Variants in NFX1 observed in about 807,000 individuals in gnomAD.
The protein encoded by NFX1 is nuclear transcription factor, X-box binding 1.
NFX1 carries 69 observed loss-of-function variants against 137.2 expected under a neutral mutation model. The observed-to-expected ratio is 0.50, with a 90% CI of 0.41 to 0.61. NFX1 has a LOEUF of 0.61. Ranked by LOEUF, NFX1 falls within the 20% of genes least tolerant of loss-of-function variation. The pLI is 0.00. For synonymous variants in NFX1, 495 were observed against 474.1 expected, an observed-to-expected ratio of 1.04 and a Z score of -0.57; for missense variants, 1,167 against 1,391.0, an observed-to-expected ratio of 0.84 and a Z score of 2.56.
At chr9:33,332,706 A>G (rs1564127124) in intron 11 of NFX1, 1 of 481,930 alleles carries the variant, frequency 2.1e-6, no homozygotes, top group Non-Finnish European at 3.8e-6. Context: ...AAGTGCACTC[A>G]TGTCTACAGC....
At chr9:33,319,454 A>G (rs1046010583) in intron 9 of NFX1, among the ~76,000 whole-genome samples, 1 of 152,226 alleles carries the variant, frequency 6.6e-6, no homozygotes, top group Admixed American at 6.5e-5. Flanking sequence ...TCCAGGGTTC[A>G]GCAAGTGTTG....
chr9:33,354,473 C>A (rs1325433779), intron 18 of NFX1, among the ~76,000 whole-genome samples: 1 of 152,152 alleles, frequency 6.6e-6, no homozygotes, highest in Non-Finnish European at 1.5e-5. Flanking sequence ...AGAGAGGTGG[C>A]CATCTCTGGA....
chr9:33,348,502 A>C (rs1823517134), intron 15 of NFX1: 1 of 99,496 alleles, frequency 1.0e-5, no homozygotes. Context: ...AAATAAGAAA[A>C]AAGAAAAAAA....
chr9:33,352,811 TG>T (rs1250113287), intron 17 of NFX1, 92 bp downstream of exon 17: 14 of 972,414 alleles, frequency 1.4e-5, no homozygotes. Context: ...AGTGAAGCAG[TG>T]GGAGTGGAGA....
Position 33,295,025 on chromosome 9 carries a change from G to T in NFX1, c.631G>T (p.Val211Leu). 6.2e-7 allele frequency: 1 copy of T among 1,614,204 alleles called. No homozygotes were observed. Among genetic ancestry groups the T allele is most frequent in the Non-Finnish European group, 8.5e-7 (1 of 1,180,040 alleles). Reference protein sequence around the residue: ...EDAGPESTKPVGVFHPDSSEA... With the variant: ...EDAGPESTKPLGVFHPDSSEA... ...TGCTGGACCCGAAAGTACCAAACCT[G>T]TGGGGGTTTTCCACCCTGACTCTTC... is the stretch of plus-strand genomic sequence containing the variant. Residue 211 changes from valine to leucine, a missense_variant, in exon 2 of 24, where the codon GTG becomes TTG. Physicochemically the swap from Val to Leu is conservative, Grantham distance 32 (BLOSUM62 1). This residue lies in a region of NFX1 where 367 missense variants were observed against 386.7 expected (regional missense o/e 0.95). Transcript: ENST00000379540.
At position 33,307,283 on chromosome 9, in the gene NFX1, C is replaced by T; in HGVS notation, c.1360C>T (p.Pro454Ser). 1 of 1,613,826 alleles carries T rather than the reference C, an allele frequency of 6.2e-7. No homozygotes were observed. Among genetic ancestry groups the T allele is most frequent in the Non-Finnish European group, 8.5e-7 (1 of 1,179,774 alleles). Residue 454 changes from proline (P) to serine (S), a missense_variant, in exon 5 of 24, where the codon CCA (proline) becomes TCA (serine). Pro to Ser is a moderately conservative substitution (Grantham distance 74). Transcript: ENST00000379540. ...AAAGAAACAGCCTGGCCAGGACTGC[C>T]CACATTCCTGTAACCTGTAAGTTGG... ...CRKKQPGQDC[P>S]HSCNLLCHPG...
At chr9:33,299,639 G>A (rs531488861) in intron 2 of NFX1, among the ~76,000 whole-genome samples, 6 of 152,156 alleles carry the variant, frequency 3.9e-5, no homozygotes, top group Admixed American at 1.3e-4. Context: ...AGTGAGCCAC[G>A]ATCATGCCAC....
At chr9:33,339,793 T>A (rs1823151533) in intron 12 of NFX1, among the ~76,000 whole-genome samples, 1 of 152,216 alleles carries the variant, frequency 6.6e-6, no homozygotes, top group African/African-American at 2.4e-5. Context: ...ACAAAGGGGC[T>A]ACAGGCCCCA....
Position 33,318,842 on chromosome 9 carries a change from CG to C in NFX1, c.1688+13del, listed in dbSNP as rs745439942. 9.9e-6 allele frequency: 16 copies of C among 1,614,086 alleles called. No homozygotes were observed. The highest frequency in any genetic ancestry group is 1.6e-4 in the Middle Eastern group (1 of 6,062). On this transcript the variant is annotated intron_variant, in intron 8 of 23. Transcript: ENST00000379540. ...AAGATATGTGGCAAGTAAGGTTTTA[CG>C]TTTTCTTCAGTTGAACTAAAGCTGC... is the stretch of plus-strand genomic sequence containing the variant.
At chr9:33,338,289 A>G (rs537205229) in intron 11 of NFX1, among the ~76,000 whole-genome samples, 4 of 152,090 alleles carry the variant, frequency 2.6e-5, no homozygotes, top group Admixed American at 2.0e-4. Context: ...TGAGAGGTGG[A>G]TGTTGCAGTG....
intron 5 of NFX1, among the ~76,000 whole-genome samples, chr9:33,308,044 A>G (rs1821823512): frequency 4.0e-5 from 6 of 151,898 alleles, no homozygotes; most frequent in Admixed American, 2.0e-4. Context: ...GGCTCAAGCA[A>G]TCTGCTCTCC....
chr9:33,342,238 G>C (rs1033697524), intron 12 of NFX1, among the ~76,000 whole-genome samples: 7 of 152,134 alleles, frequency 4.6e-5, no homozygotes, highest in Admixed American at 1.3e-4. Flanking sequence ...AAGGTGGGCG[G>C]ATCATGAGGT....
At chr9:33,320,442 A>G (rs752313092) in intron 9 of NFX1, among the ~76,000 whole-genome samples, 14 of 152,152 alleles carry the variant, frequency 9.2e-5, no homozygotes, top group African/African-American at 3.1e-4. Context: ...CCCCATACCA[A>G]TGAGCAGTTT....
intron 1 of NFX1, among the ~76,000 whole-genome samples, chr9:33,291,954 G>T (rs1184312191): frequency 6.6e-6 from 1 of 152,156 alleles, no homozygotes; most frequent in Non-Finnish European, 1.5e-5. Flanking sequence ...GTCTTGATGT[G>T]GATATTAAGT....
intron 11 of NFX1, among the ~76,000 whole-genome samples, chr9:33,336,183 A>C (rs1725351089): frequency 6.6e-6 from 1 of 151,926 alleles, no homozygotes; most frequent in Admixed American, 6.6e-5. Context: ...TTTTCTCCAC[A>C]TCCTTGCCAA....
At chr9:33,345,938 C>G (rs577369914) in intron 14 of NFX1, among the ~76,000 whole-genome samples, 8 of 152,288 alleles carry the variant, frequency 5.3e-5, no homozygotes, top group Admixed American at 5.2e-4. Context: ...TTTCATTTTA[C>G]CAAATACCAG....
chr9:33,303,385 G>A, intron 4 of NFX1, 117 bp downstream of exon 4: 1 of 802,144 alleles, frequency 1.2e-6, no homozygotes, highest in Non-Finnish European at 2.1e-6. Context: ...AAAGCTCTAG[G>A]AGTCTATAAG....
intron 14 of NFX1, among the ~76,000 whole-genome samples, chr9:33,345,608 T>A (rs1823392446): frequency 6.6e-6 from 1 of 152,244 alleles, no homozygotes; most frequent in African/African-American, 2.4e-5. Flanking sequence ...TTGCATTTTT[T>A]CCCCAATGTA....
chr9:33,347,447 G>A (rs1823465393), intron 15 of NFX1, among the ~76,000 whole-genome samples: 1 of 152,032 alleles, frequency 6.6e-6, no homozygotes, highest in Non-Finnish European at 1.5e-5. Context: ...AATGTTGTCT[G>A]TTCCAATCAT....
Sources: gnomAD v4.1 joint callset for allele counts (sites outside exome capture counted in the v4.1 genomes callset) on GRCh38, gnomAD v4.1.1 for gene constraint, gnomAD v4.1.1 regional missense constraint, MANE v1.5 for transcripts, NCBI Gene and HGNC (gene_info 2026-07-23, HGNC 2026-07-21) for gene names.